Variants in NELFCD observed in about 807,000 individuals in gnomAD.
NELFCD encodes the protein negative elongation factor complex member C/D, also known as negative elongation factor C/D.
Under a neutral mutation model 72.9 loss-of-function variants are expected in NELFCD, and 48 were observed. That is an observed-to-expected ratio of 0.66 (90% CI 0.52 to 0.84). The LOEUF (loss-of-function observed/expected upper bound fraction) is 0.84. Ranked by LOEUF, NELFCD falls within the 40% of genes least tolerant of loss-of-function variation. The pLI, the probability that NELFCD is intolerant of heterozygous loss-of-function variation, is 0.00. For synonymous variants in NELFCD, 297 were observed against 280.6 expected, an observed-to-expected ratio of 1.06 and a Z score of -0.59; for missense variants, 538 against 723.8, an observed-to-expected ratio of 0.74 and a Z score of 2.94.
At chr20:58,990,873 CT>C in intron 7 of NELFCD, 36 bp from the exon 8 acceptor site, 2 of 1,566,150 alleles carry the variant, frequency 1.3e-6, no homozygotes, top group Non-Finnish European at 1.7e-6. Flanking sequence ...AAGAAGCTGC[CT>C]TGTTAGTAAC....
At chr20:58,982,223 C>T (rs1379180992) in intron 1 of NELFCD, among the ~76,000 whole-genome samples, 2 of 141,320 alleles carry the variant, frequency 1.4e-5, no homozygotes, top group African/African-American at 2.6e-5. Context: ...ATGGCGCCAT[C>T]GCGGCTCACT....
At chr20:58,987,365 T>A (rs117366384) in intron 3 of NELFCD, 12,552 of 307,124 alleles carry the variant, frequency 0.041, 385 homozygotes, top group South Asian at 0.066. Flanking sequence ...CAAGTGTGTC[T>A]CTTTTGGCTG....
chr20:58,981,459 C>A, intron 1 of NELFCD, 90 bp downstream of exon 1: 2 of 501,146 alleles, frequency 4.0e-6, no homozygotes, highest in Non-Finnish European at 5.3e-6. Flanking sequence ...CCGCGCGGCG[C>A]GAGGCTGCGG....
chr20:58,989,724 A>T, intron 6 of NELFCD, 84 bp downstream of exon 6: 1 of 1,606,888 alleles, frequency 6.2e-7, no homozygotes, highest in Non-Finnish European at 8.5e-7. Context: ...CCTTCCCTGG[A>T]GAGAATCTCC....
At chr20:58,991,201 C>A in intron 8 of NELFCD, 111 bp from the exon 9 acceptor site, 1 of 1,558,446 alleles carries the variant, frequency 6.4e-7, no homozygotes, top group East Asian at 2.3e-5. Context: ...CTCAGTCACA[C>A]TCTCTGCCTG....
At chr20:58,983,540 A>C (rs1297194164) in intron 1 of NELFCD, among the ~76,000 whole-genome samples, 1 of 151,304 alleles carries the variant, frequency 6.6e-6, no homozygotes, top group African/African-American at 2.4e-5. Flanking sequence ...CCTGGGTTCA[A>C]GTGATTCTCC....
intron 10 of NELFCD, among the ~76,000 whole-genome samples, chr20:58,992,442 A>G (rs545861402): frequency 6.6e-6 from 1 of 152,324 alleles, no homozygotes; most frequent in Admixed American, 6.5e-5. Flanking sequence ...AGAGTTTGCT[A>G]AATAAAGGTA....
At chr20:58,990,744 G>A (rs992550270) in intron 7 of NELFCD, 166 bp from the exon 8 acceptor site, 1 of 599,214 alleles carries the variant, frequency 1.7e-6, no homozygotes, top group South Asian at 2.3e-5. Flanking sequence ...AAGCTGTATT[G>A]GAATCACTTT....
chr20:58,989,669 T>G (rs1569058516), intron 6 of NELFCD, 29 bp downstream of exon 6: 2 of 1,614,104 alleles, frequency 1.2e-6, no homozygotes, highest in South Asian at 2.2e-5. Flanking sequence ...AACCTCAGAT[T>G]AGAAGGAGGC....
In NELFCD at chr20:58,992,867, G is replaced by C. The variant is rs912315285; in HGVS notation, c.1230-131G>C. ...CTGTCTCAAAAAAAAAAAAAAAAAA[G>C]GGTTGGGGGGCGTATTGAAGGGTGA... is the stretch of plus-strand genomic sequence containing the variant. On this transcript the variant is annotated intron_variant, in intron 10 of 14. Coordinates refer to ENST00000652272, the MANE Select transcript of NELFCD (RefSeq NM_198976.4). 17 of 562,926 alleles carry C rather than the reference G, an allele frequency of 3.0e-5. 1 individual carries two copies. The East Asian group carries it at 3.3e-4, about 11-fold the overall frequency. 34.9% of individuals were successfully genotyped at this position (562,926 alleles called of 1,614,324 possible).
Position 58,994,854 on chromosome 20 carries a change from C to T in NELFCD, c.*178C>T. 3.2e-6 allele frequency: 2 copies of T among 615,570 alleles called. No homozygotes were observed. Among genetic ancestry groups the T allele is most frequent in the Non-Finnish European group, 2.9e-6 (1 of 339,802 alleles). 38.1% of individuals were successfully genotyped at this position (615,570 alleles called of 1,614,324 possible). A position where few individuals can be genotyped will look rare whatever the true frequency, so the allele number is the denominator to read the frequency against. On this transcript the variant is annotated 3_prime_UTR_variant, in exon 15 of 15. Coordinates refer to ENST00000652272, the MANE Select transcript of NELFCD (RefSeq NM_198976.4). ...CAGCTTCAGTGAGAAACTGCCCTTA[C>T]AAACAGTCCCTTCTCTGCTGTCAAT...
chr20:58,991,281 C>T lies in NELFCD; in HGVS notation c.955-31C>T, dbSNP rs143553549. 2.4e-5 allele frequency: 38 copies of T among 1,613,450 alleles called. No individual in the cohort carries two copies. The African/African-American group carries it at 4.1e-4, about 18-fold the overall frequency. ...GGGTGAGCAGTGCCCTCACGCCTGC[C>T]ATCCCGAACTGGGCATATGCTTCTC... On this transcript the variant is annotated intron_variant, in intron 8 of 14. Transcript: ENST00000652272.
rs1170255267 is a variant in NELFCD at position 58,986,217 on chromosome 20, G to C, written c.176+9G>C. On this transcript the variant is annotated intron_variant, in intron 2 of 14. Coordinates refer to ENST00000652272, the MANE Select transcript of NELFCD (RefSeq NM_198976.4). This position sits in a 1 kb window ranked among gnomAD's most constrained non-coding sequence, Gnocchi z 4.4. Reference sequence around the variant, plus strand: ...TTCAACACTCTGAAGAGGTATGTGAGAAAGGTGTCTGTATTGGGAGGAGGC... The same window carrying C: ...TTCAACACTCTGAAGAGGTATGTGACAAAGGTGTCTGTATTGGGAGGAGGC... 1 of 1,560,984 alleles carries C rather than the reference G, an allele frequency of 6.4e-7. No homozygotes were observed.
In NELFCD at chr20:58,993,722, G is replaced by A; in HGVS notation, c.1539G>A (p.Lys513=). 2 of 1,614,202 alleles carry A rather than the reference G, an allele frequency of 1.2e-6. No individual in the cohort carries two copies. Among genetic ancestry groups the A allele is most frequent in the Non-Finnish European group, 1.7e-6 (2 of 1,180,018 alleles). Residue 513 remains lysine, a synonymous_variant, in exon 13 of 15, where the codon AAG becomes AAA. Transcript: ENST00000652272. This position sits in a 1 kb window ranked among gnomAD's most constrained non-coding sequence, Gnocchi z 5.0. ...GTTACATCCGAAAGTGTCTGGAGAA[G>A]CTGGACACTGACATTTCACTCATTC... ...VVSYIRKCLE[K]LDTDISLIRY...
At position 58,989,785 on chromosome 20, in the gene NELFCD, G is replaced by A. The variant is rs771783056; in HGVS notation, c.658-73G>A. 30 of 1,610,576 alleles carry A rather than the reference G, an allele frequency of 1.9e-5. 1 individual carries two copies. In the Admixed American group the frequency reaches 4.8e-4, roughly 26 times the overall value. On this transcript the variant is annotated intron_variant, in intron 6 of 14. Transcript: ENST00000652272. ...CTCACTCCCGGGCCCGAGCACGGTGGAGGCTTGGCTCTCGTCCGCCCGTCT... is the reference window on the plus strand; with the variant it reads ...CTCACTCCCGGGCCCGAGCACGGTGAAGGCTTGGCTCTCGTCCGCCCGTCT...
At chr20:58,992,848 C>CAAAAAAAAAAAA in intron 10 of NELFCD, 150 bp from the exon 11 acceptor site, 9 of 415,880 alleles carry the variant, frequency 2.2e-5, no homozygotes. Flanking sequence ...GACCCTGTCT[C>CAAAAAAAAAAAA]AAAAAAAAAA....
chr20:58,985,995 G>A (rs913372815), intron 1 of NELFCD, 98 bp from the exon 2 acceptor site: 7 of 823,214 alleles, frequency 8.5e-6, no homozygotes, highest in Non-Finnish European at 1.5e-5. Flanking sequence ...AATGTGTGTA[G>A]AATACTTTCA....
In NELFCD at chr20:58,994,932, G is replaced by A. The variant is rs1054782527; in HGVS notation, c.*256G>A. 66 of 497,800 alleles carry A rather than the reference G, an allele frequency of 1.3e-4. 1 individual carries two copies. In the Middle Eastern group the frequency reaches 1.6e-3, roughly 12 times the overall value. The allele number at this position is 497,800 out of a possible 1,614,324, so 30.8% of individuals were successfully genotyped here. On this transcript the variant is annotated 3_prime_UTR_variant, in exon 15 of 15. Transcript: ENST00000652272. ...AGTGTTCATTTCCCTCAAGGCAGGC[G>A]CTGGGCTCCCACGACCCCTCAGGAC... is the stretch of plus-strand genomic sequence containing the variant.
chr20:58,993,236 T>C lies in NELFCD; in HGVS notation c.1344+124T>C, dbSNP rs2091830465. On this transcript the variant is annotated intron_variant, in intron 11 of 14. Transcript: ENST00000652272. The surrounding 1 kb of genome is among the most constrained non-coding windows in gnomAD (Gnocchi z 5.0). ...CTCTTCTCAAAAATAGTTATTTCTG[T>C]CCTGAGGATTTTCCTCTTAAGGACC... 4.6e-6 allele frequency: 4 copies of C among 878,684 alleles called. No homozygotes were observed. The highest frequency in any genetic ancestry group is 7.2e-6 in the Non-Finnish European group (4 of 556,316). 54.4% of individuals were successfully genotyped at this position (878,684 alleles called of 1,614,324 possible).
Sources: gnomAD v4.1 joint callset for allele counts (sites outside exome capture counted in the v4.1 genomes callset) on GRCh38, gnomAD v4.1.1 for gene constraint, Gnocchi (gnomAD v3.1) non-coding constraint, MANE v1.5 for transcripts, NCBI Gene and HGNC (gene_info 2026-07-23, HGNC 2026-07-21) for gene names.